ATG7: variants seen among roughly 807,000 people sequenced by gnomAD.
ATG7 encodes the protein ubiquitin-like modifier-activating enzyme ATG7.
Under a neutral mutation model 82.4 loss-of-function variants are expected in ATG7, and 70 were observed. The observed-to-expected ratio is 0.85, with a 90% CI of 0.70 to 1.04. The LOEUF is 1.04. Among genes scored for constraint, ATG7 ranks in the 50% least tolerant of loss-of-function variants. The pLI is 0.00. For synonymous variants in ATG7, 287 were observed against 313.0 expected (o/e 0.92, Z 0.88); for missense variants, 792 against 864.3 (o/e 0.92, Z 1.05).
At chr3:11,488,259 G>T (rs377458014) in intron 20 of ATG7, 4 of 254,606 alleles carry the variant, frequency 1.6e-5, no homozygotes, top group Non-Finnish European at 2.1e-5. Context: ...CCGGGCAGAG[G>T]CTGCAATCTC....
chr3:11,342,108 T>G (rs754282795), intron 12 of ATG7, 27 bp from the exon 13 acceptor site: 1 of 1,596,926 alleles, frequency 6.3e-7, no homozygotes, highest in Non-Finnish European at 8.5e-7. Context: ...AAGGAGTGAC[T>G]GAATAAGTAA....
At chr3:11,479,035 C>CAT (rs2088613996) in intron 20 of ATG7, among the ~76,000 whole-genome samples, 1 of 149,186 alleles carries the variant, frequency 6.7e-6, no homozygotes, top group African/African-American at 2.5e-5. Flanking sequence ...CACACACACA[C>CAT]ACACAATTTT....
intron 14 of ATG7, among the ~76,000 whole-genome samples, chr3:11,350,944 AAAAAG>A (rs1559450312): frequency 1.3e-5 from 2 of 151,252 alleles, no homozygotes; most frequent in African/African-American, 4.9e-5. Flanking sequence ...AAAAAAAAAA[AAAAAG>A]CAGTGATCCA....
chr3:11,357,165 T>TC (rs1040807944), intron 14 of ATG7, among the ~76,000 whole-genome samples: 77 of 152,342 alleles, frequency 5.1e-4, no homozygotes, highest in African/African-American at 1.8e-3. Flanking sequence ...TTCAAACACT[T>TC]CCCTATGGCC....
chr3:11,315,060 C>T (rs1032220400), intron 8 of ATG7, among the ~76,000 whole-genome samples: 1 of 152,138 alleles, frequency 6.6e-6, no homozygotes, highest in African/African-American at 2.4e-5. Flanking sequence ...AAGAATGTTT[C>T]GTTACCGCTC....
chr3:11,430,186 G>A (rs1220169761), intron 20 of ATG7, among the ~76,000 whole-genome samples: 3 of 152,158 alleles, frequency 2.0e-5, no homozygotes, highest in African/African-American at 7.2e-5. Flanking sequence ...GAATAGGACT[G>A]TGTTTTAAGA....
In ATG7 at chr3:11,307,079, A is replaced by G; in HGVS notation, c.333+19A>G. 1 of 1,594,970 alleles carries G rather than the reference A, an allele frequency of 6.3e-7. No homozygotes were observed. Among genetic ancestry groups the G allele is most frequent in the Non-Finnish European group, 8.6e-7 (1 of 1,162,704 alleles). ...AAATGAGGTTAGCTGTGAAAACGTG[A>G]TGTATGTGTCATATTTCCTGTGGTC... On this transcript the variant is annotated intron_variant, in intron 6 of 20. Transcript: ENST00000693202.
intron 20 of ATG7, among the ~76,000 whole-genome samples, chr3:11,536,952 A>G (rs1022428885): frequency 2.0e-5 from 3 of 151,314 alleles, no homozygotes; most frequent in Admixed American, 6.6e-5. Context: ...GAACCCGTAT[A>G]CTCCCCTCCA....
chr3:11,536,088 C>T (rs1268661152), intron 20 of ATG7, among the ~76,000 whole-genome samples: 4 of 152,156 alleles, frequency 2.6e-5, no homozygotes, highest in Non-Finnish European at 2.9e-5. Context: ...GCAAGGAGAC[C>T]ACCCTCCCAG....
chr3:11,567,416 C>A, the ATG7 span, among the ~76,000 whole-genome samples: 3 of 152,008 alleles, frequency 2.0e-5, no homozygotes, highest in Admixed American at 1.3e-4. Context: ...GCTGATGATA[C>A]AGAATATCTT....
chr3:11,513,501 T>C (rs1249606122), intron 20 of ATG7, among the ~76,000 whole-genome samples: 4 of 152,208 alleles, frequency 2.6e-5, no homozygotes, highest in East Asian at 1.9e-4. Context: ...AAGCCCCTCA[T>C]TGCCTGGGGC....
chr3:11,450,440 T>G (rs2085001185), intron 20 of ATG7, among the ~76,000 whole-genome samples: 1 of 152,208 alleles, frequency 6.6e-6, no homozygotes, highest in Non-Finnish European at 1.5e-5. Context: ...TCCTACCTCT[T>G]TAGGTCAGAA....
intron 2 of ATG7, among the ~76,000 whole-genome samples, chr3:11,281,510 C>T (rs1056980373): frequency 2.6e-5 from 4 of 152,168 alleles, no homozygotes; most frequent in Admixed American, 6.5e-5. Flanking sequence ...TGGTGGCTCA[C>T]GCCTATAATC....
intron 11 of ATG7, among the ~76,000 whole-genome samples, chr3:11,338,443 A>G (rs137984314): frequency 0.012 from 1,845 of 152,274 alleles, 23 homozygotes; most frequent in South Asian, 0.021. Flanking sequence ...AAAATCAAAC[A>G]AAATATCAAT....
chr3:11,298,916 A>G, intron 4 of ATG7, 61 bp downstream of exon 4: 1 of 1,562,384 alleles, frequency 6.4e-7, no homozygotes, highest in Non-Finnish European at 8.8e-7. Context: ...CCTCCAGTAT[A>G]GTGTCAGCTT....
At chr3:11,332,750 A>T (rs764012205) in intron 10 of ATG7, 1 of 356,812 alleles carries the variant, frequency 2.8e-6, no homozygotes, top group Non-Finnish European at 4.9e-6. Context: ...CTAGAAAGAA[A>T]TCACAGCCAA....
chr3:11,405,967 C>T (rs1370271954), intron 19 of ATG7, among the ~76,000 whole-genome samples: 2 of 148,266 alleles, frequency 1.3e-5, no homozygotes, highest in Non-Finnish European at 1.5e-5. Flanking sequence ...CCTTTTCTTC[C>T]TTCCTTCCTT....
At chr3:11,526,118 C>G (rs112020700) in intron 20 of ATG7, among the ~76,000 whole-genome samples, 32 of 152,228 alleles carry the variant, frequency 2.1e-4, no homozygotes, top group African/African-American at 7.7e-4. Flanking sequence ...GGGCCAGGCA[C>G]CATGGTTCAT....
chr3:11,544,893 C>T (rs1038613250), intron 20 of ATG7, among the ~76,000 whole-genome samples: 2 of 152,212 alleles, frequency 1.3e-5, no homozygotes, highest in African/African-American at 4.8e-5. Flanking sequence ...CCTACCCTCA[C>T]GCAGCACGCA....
Sources: allele counts gnomAD v4.1 joint callset (sites outside exome capture counted in the v4.1 genomes callset), GRCh38; gene constraint gnomAD v4.1.1; transcripts MANE v1.5; gene names NCBI Gene and HGNC (gene_info 2026-07-23, HGNC 2026-07-21).